Variants in KCNQ3 observed in about 807,000 individuals in gnomAD.
KCNQ3 encodes potassium voltage-gated channel subfamily Q member 3, also known as potassium voltage-gated channel subfamily KQT member 3.
Under a neutral mutation model 92.5 loss-of-function variants are expected in KCNQ3, and 30 were observed. That is an observed-to-expected ratio of 0.32 (90% confidence interval 0.24 to 0.44). KCNQ3 has a LOEUF of 0.44. Among genes scored for constraint, KCNQ3 ranks in the 20% least tolerant of loss-of-function variants. The pLI is 1.00. For missense variants in KCNQ3, 913 were observed against 1,140.3 expected, an observed-to-expected ratio of 0.80 and a Z score of 2.87; for synonymous variants, 450 against 468.8, an observed-to-expected ratio of 0.96 and a Z score of 0.52.
rs886062690 is a variant in KCNQ3 at position 132,129,901 on chromosome 8, G to T, written c.1980C>A (p.Thr660=). The T allele has an allele frequency of 1.2e-6, 2 of 1,613,952 alleles. No individual in the cohort carries two copies. Among genetic ancestry groups the T allele is most frequent in the African/African-American group, 1.3e-5 (1 of 74,886 alleles). The part of the protein sequence containing the change: ...LQVQVTEYYP[T]KGTSSPAEAE... ...CTTCAGCTGGCGAGGAGGTGCCCTT[G>T]GTTGGGTAATACTCCGTGACCTGCA... The change falls in exon 15 of 15, where the codon ACC becomes ACA. Residue 660 remains threonine (T), a synonymous_variant. Transcript: ENST00000388996. The surrounding 1 kb of genome is among the most constrained non-coding windows in gnomAD (Gnocchi z 5.9).
Position 132,364,718 on chromosome 8 carries a change from T to G in KCNQ3, c.386+115429A>C, listed in dbSNP as rs577688989. On this transcript the variant is annotated intron_variant, in intron 1 of 14. Coordinates refer to ENST00000388996, the MANE Select transcript of KCNQ3 (RefSeq NM_004519.4). ...ACGGATGGATGGATGGATGGATGGA[T>G]GGACGATGAATGGATGGGTGGCTGG... Among the ~76,000 whole-genome samples the G allele has an allele frequency of 1.5e-3, 229 of 151,528 alleles. 4 individuals carry two copies. The East Asian group carries it at 0.034, about 23-fold the overall frequency.
chr8:132,408,749 G>GTAAC (rs1820566938), intron 1 of KCNQ3, among the ~76,000 whole-genome samples: 1 of 152,218 alleles, frequency 6.6e-6, no homozygotes, highest in Non-Finnish European at 1.5e-5. Flanking sequence ...ATGTTGCCAT[G>GTAAC]TAACCACAAG....
chr8:132,397,333 T>A (rs1286764614), intron 1 of KCNQ3, among the ~76,000 whole-genome samples: 4 of 151,914 alleles, frequency 2.6e-5, no homozygotes, highest in African/African-American at 9.7e-5. Context: ...ACCTTTCCAG[T>A]TGGGTGGAAA....
At chr8:132,295,797 A>G (rs1212919392) in intron 1 of KCNQ3, among the ~76,000 whole-genome samples, 2 of 152,082 alleles carry the variant, frequency 1.3e-5, no homozygotes, top group African/African-American at 2.4e-5. Flanking sequence ...AAAACCAAAC[A>G]CTGCATGTTC....
At chr8:132,310,673 A>G (rs1038896345) in intron 1 of KCNQ3, among the ~76,000 whole-genome samples, 2 of 152,234 alleles carry the variant, frequency 1.3e-5, no homozygotes, top group African/African-American at 2.4e-5. Flanking sequence ...ACAGCTGAAC[A>G]TCTTAAATAT....
At chr8:132,332,202 G>T (rs1299093998) in intron 1 of KCNQ3, among the ~76,000 whole-genome samples, 1 of 152,174 alleles carries the variant, frequency 6.6e-6, no homozygotes. Context: ...AGGTGCCTGT[G>T]GGGAGGGACC....
At chr8:132,196,596 A>T (rs1234810562) in intron 1 of KCNQ3, among the ~76,000 whole-genome samples, 1 of 152,254 alleles carries the variant, frequency 6.6e-6, no homozygotes, top group African/African-American at 2.4e-5. Flanking sequence ...GAAACTACAC[A>T]TCTCAGATCT....
At chr8:132,421,080 G>A (rs893475673) in intron 1 of KCNQ3, among the ~76,000 whole-genome samples, 2 of 152,130 alleles carry the variant, frequency 1.3e-5, no homozygotes, top group South Asian at 2.1e-4. Flanking sequence ...ATGTTTAAAC[G>A]GCTCATACAG....
chr8:132,444,950 G>T (rs1265050081), intron 1 of KCNQ3, among the ~76,000 whole-genome samples: 1 of 152,194 alleles, frequency 6.6e-6, no homozygotes, highest in African/African-American at 2.4e-5. Flanking sequence ...TTTATTCTTA[G>T]AACAAAATTA....
chr8:132,470,237 G>A (rs1822267616), intron 1 of KCNQ3, among the ~76,000 whole-genome samples: 1 of 152,106 alleles, frequency 6.6e-6, no homozygotes, highest in Non-Finnish European at 1.5e-5. Context: ...TCACCTAAGG[G>A]CAATGCCTGT....
intron 1 of KCNQ3, among the ~76,000 whole-genome samples, chr8:132,344,049 T>C (rs1323644257): frequency 2.0e-5 from 3 of 152,212 alleles, no homozygotes; most frequent in Non-Finnish European, 4.4e-5. Context: ...GCAGGTGCCT[T>C]TGGTGAGAAA....
chr8:132,330,756 G>A (rs1316459700), intron 1 of KCNQ3, among the ~76,000 whole-genome samples: 1 of 152,178 alleles, frequency 6.6e-6, no homozygotes, highest in African/African-American at 2.4e-5. Context: ...TAAGATGATG[G>A]TGATACACAC....
At chr8:132,189,076 C>T (rs911138454) in intron 1 of KCNQ3, among the ~76,000 whole-genome samples, 5 of 152,158 alleles carry the variant, frequency 3.3e-5, no homozygotes, top group Admixed American at 2.0e-4. Flanking sequence ...TGTCATCTCC[C>T]GCTGCTTCCC....
intron 1 of KCNQ3, among the ~76,000 whole-genome samples, chr8:132,291,034 C>T (rs1262479094): frequency 6.6e-6 from 1 of 152,140 alleles, no homozygotes. Flanking sequence ...GTATCAAGTA[C>T]AATTGCGACT....
At chr8:132,211,095 C>G (rs1014674433) in intron 1 of KCNQ3, among the ~76,000 whole-genome samples, 2 of 152,228 alleles carry the variant, frequency 1.3e-5, no homozygotes, top group Non-Finnish European at 2.9e-5. Flanking sequence ...CTTGAGCCTA[C>G]TGGGCCCTCA....
At chr8:132,453,024 G>A (rs1320745149) in intron 1 of KCNQ3, among the ~76,000 whole-genome samples, 1 of 150,996 alleles carries the variant, frequency 6.6e-6, no homozygotes, top group Non-Finnish European at 1.5e-5. Flanking sequence ...CTGAGAGTAA[G>A]GTGGTCAGGG....
intron 1 of KCNQ3, among the ~76,000 whole-genome samples, chr8:132,189,867 GTGT>G (rs1306241090): frequency 8.3e-6 from 1 of 121,170 alleles, no homozygotes; most frequent in Non-Finnish European, 1.7e-5. Context: ...ATGGGGATTG[GTGT>G]TGAGGGCTAA....
chr8:132,279,079 C>T (rs570519180), intron 1 of KCNQ3, among the ~76,000 whole-genome samples: 44 of 152,162 alleles, frequency 2.9e-4, no homozygotes, highest in Non-Finnish European at 5.7e-4. Flanking sequence ...ATCAGCTGGG[C>T]TTGGTGGTGG....
intron 1 of KCNQ3, among the ~76,000 whole-genome samples, chr8:132,455,502 C>T (rs1169272704): frequency 6.6e-6 from 1 of 152,190 alleles, no homozygotes; most frequent in Non-Finnish European, 1.5e-5. Context: ...TTGGGTGCCC[C>T]AGTATTACTC....
Sources: gnomAD v4.1 joint callset for allele counts (sites outside exome capture counted in the v4.1 genomes callset) on GRCh38, gnomAD v4.1.1 for gene constraint, Gnocchi (gnomAD v3.1) non-coding constraint, MANE v1.5 for transcripts, NCBI Gene and HGNC (gene_info 2026-07-23, HGNC 2026-07-21) for gene names.